The following MCF2 variants were observed in gnomAD, a reference collection of about 807,000 sequenced individuals.
MCF2 encodes the protein MCF.2 cell line derived transforming sequence, also known as proto-oncogene DBL.
A neutral mutation model predicts 82.5 loss-of-function variants in MCF2; 44 were observed. The observed-to-expected ratio is 0.53, with a 90% CI of 0.42 to 0.69. The LOEUF (loss-of-function observed/expected upper bound fraction) is 0.69. MCF2 is among the 30% of genes least tolerant of loss of function. MCF2 has a pLI of 0.00. For missense variants in MCF2, 623 were observed against 663.1 expected (o/e 0.94, Z 0.66); for synonymous variants, 217 against 224.9 (o/e 0.96, Z 0.32).
At chrX:139,671,497 G>A (rs1173892884) in intron 1 of MCF2, among the ~76,000 whole-genome samples, 2 of 111,544 alleles carry the variant, frequency 1.8e-5, no homozygotes, top group Non-Finnish European at 3.8e-5. Context: ...TGTATAAGGT[G>A]TAAGGAAGGG....
exon 13 of MCF2, chrX:139,605,720 A>G (rs1229107672): frequency 8.4e-7 from 1 of 1,196,475 alleles, no homozygotes; most frequent in Non-Finnish European, 1.1e-6. Context: ...TACCAACAAA[A>G]CAGTATACAG....
chrX:139,700,703 C>G (rs1935475941), intron 1 of MCF2, among the ~76,000 whole-genome samples: 1 of 112,371 alleles, frequency 8.9e-6, no homozygotes, highest in Admixed American at 9.4e-5. Context: ...CCTTCCTTCC[C>G]TTCCCTTCAA....
chrX:139,615,137 CA>C, intron 9 of MCF2, 85 bp from the exon 13 acceptor site: 8 of 661,731 alleles, frequency 1.2e-5, no homozygotes, highest in Admixed American at 3.2e-5. Context: ...CTCAGATGGT[CA>C]AAAAAATAAT....
chrX:139,698,883 T>A (rs1323439928), intron 1 of MCF2, among the ~76,000 whole-genome samples: 1 of 111,764 alleles, frequency 8.9e-6, no homozygotes, highest in Non-Finnish European at 1.9e-5. Flanking sequence ...AAATTAATAA[T>A]AAGTATACCA....
chrX:139,610,119 T>C lies in MCF2; in HGVS notation c.1401+182A>G, dbSNP rs746531903. Among the ~76,000 whole-genome samples, 71 of 112,315 alleles carry C rather than the reference T, an allele frequency of 6.3e-4. 1 individual carries two copies. The highest frequency in any genetic ancestry group is 2.1e-3 in the African/African-American group (65 of 31,034). On this transcript the variant is annotated intron_variant, in intron 11 of 24. Coordinates refer to ENST00000370576, the Ensembl canonical transcript of MCF2. ...TGAGAAACAGCTCATACTGAGAAAC[T>C]GGCATATCTGGGGATATGCCAGTAA...
At chrX:139,629,875 A>G (rs992807410) in intron 3 of MCF2, 31 bp from the exon 7 acceptor site, 8 of 1,176,202 alleles carry the variant, frequency 6.8e-6, no homozygotes, top group Non-Finnish European at 9.2e-6. Context: ...CTTTAATTAT[A>G]TGGTCACTCT....
chrX:139,637,476 C>T (rs765802357), intron 1 of MCF2, among the ~76,000 whole-genome samples: 52 of 111,493 alleles, frequency 4.7e-4, no homozygotes, highest in Middle Eastern at 9.2e-3. Context: ...ACATTTATGA[C>T]TACTTTTCAT....
At chrX:139,617,739 T>C (rs757785876) in intron 7 of MCF2, 35 bp from the exon 11 acceptor site, 7 of 925,108 alleles carry the variant, frequency 7.6e-6, no homozygotes, top group Non-Finnish European at 1.0e-5. Flanking sequence ...AATGAATACA[T>C]GATCTCTGTT....
At chrX:139,629,915 TGTATTTGTTTTTATTGGG>T in intron 3 of MCF2, 71 bp from the exon 7 acceptor site, 2 of 933,319 alleles carry the variant, frequency 2.1e-6, no homozygotes, top group Non-Finnish European at 1.5e-6. Flanking sequence ...GATCAGTAAG[TGTATTTGTTTTTATTGGG>T]GGTATAACGG....
chrX:139,605,412 T>C (rs756733543), intron 13 of MCF2, among the ~76,000 whole-genome samples: 11 of 111,665 alleles, frequency 9.9e-5, no homozygotes, highest in Non-Finnish European at 2.1e-4. Flanking sequence ...ATTCTCAGTT[T>C]TTTACATCAC....
intron 6 of MCF2, among the ~76,000 whole-genome samples, chrX:139,622,361 C>T (rs1932450866): frequency 9.0e-6 from 1 of 111,511 alleles, no homozygotes; most frequent in Non-Finnish European, 1.9e-5. Flanking sequence ...ACCATTTGAC[C>T]CAGCCATCCC....
chrX:139,631,515 T>A lies in MCF2; in HGVS notation c.172-4A>T. ...TAACTGAGCTCAGCATAACAACCTA[T>A]ATAAATAAGCAAAAAAGATACTGTT... On this transcript the variant is annotated splice_region_variant and splice_polypyrimidine_tract_variant and intron_variant, in intron 2 of 24. Coordinates refer to ENST00000370576, the Ensembl canonical transcript of MCF2. The A allele has an allele frequency of 9.0e-7, 1 of 1,107,111 alleles. No individual in the cohort carries two copies. Among genetic ancestry groups the A allele is most frequent in the Non-Finnish European group, 1.2e-6 (1 of 803,577 alleles). The allele number at this position is 1,107,111 out of a possible 1,213,427, so 91.2% of individuals were successfully genotyped here.
chrX:139,605,311 A>C (rs1319296428), intron 13 of MCF2, among the ~76,000 whole-genome samples: 1 of 111,202 alleles, frequency 9.0e-6, no homozygotes, highest in Admixed American at 9.6e-5. Flanking sequence ...ACTACAGGTC[A>C]TCAGCTTCTC....
At chrX:139,678,869 G>A (rs1603306524) in intron 1 of MCF2, among the ~76,000 whole-genome samples, 1 of 112,231 alleles carries the variant, frequency 8.9e-6, no homozygotes, top group Non-Finnish European at 1.9e-5. Flanking sequence ...GATGTGTTTT[G>A]GTTTTGGATT....
chrX:139,664,464 G>A (rs1351817963), intron 1 of MCF2, among the ~76,000 whole-genome samples: 1 of 111,222 alleles, frequency 9.0e-6, no homozygotes, highest in East Asian at 2.8e-4. Flanking sequence ...TACTGGTAAG[G>A]TGAAGCCATA....
chrX:139,613,285 C>T (rs1326762232), intron 10 of MCF2, 22 bp from the exon 14 acceptor site: 3 of 1,097,623 alleles, frequency 2.7e-6, no homozygotes, highest in Non-Finnish European at 3.7e-6. Context: ...AATTGTAACG[C>T]CATTAAATAA....
chrX:139,656,118 G>A (rs1227605549), intron 1 of MCF2, among the ~76,000 whole-genome samples: 2 of 112,197 alleles, frequency 1.8e-5, no homozygotes, highest in African/African-American at 3.2e-5. Flanking sequence ...CTGAAGTGCA[G>A]TGGCGCGATC....
chrX:139,597,898 A>C (rs1183547398), intron 17 of MCF2, among the ~76,000 whole-genome samples: 2 of 111,680 alleles, frequency 1.8e-5, no homozygotes, highest in Non-Finnish European at 3.8e-5. Flanking sequence ...CTCTACATAC[A>C]GTAATTTGTT....
chrX:139,623,085 G>A (rs1276174693), intron 6 of MCF2, among the ~76,000 whole-genome samples: 1 of 111,230 alleles, frequency 9.0e-6, no homozygotes, highest in Non-Finnish European at 1.9e-5. Context: ...AAAAGGAACA[G>A]ATGCTGGTGA....
Sources: gnomAD v4.1 joint callset for allele counts (sites outside exome capture counted in the v4.1 genomes callset) on GRCh38, gnomAD v4.1.1 for gene constraint, MANE v1.5 for transcripts, NCBI Gene and HGNC (gene_info 2026-07-23, HGNC 2026-07-21) for gene names.